Variants in CORO7 observed in about 807,000 individuals in gnomAD.
CORO7 encodes coronin 7.
In CORO7, 107 loss-of-function variants were observed where a neutral mutation model predicts 126.6. The observed-to-expected ratio is 0.85, with a 90% CI of 0.72 to 0.99. The LOEUF (loss-of-function observed/expected upper bound fraction) is 0.99. CORO7 is among the 50% of genes least tolerant of loss of function. The pLI, the probability that CORO7 is intolerant of heterozygous loss-of-function variation, is 0.00. For synonymous variants in CORO7, 603 were observed against 536.8 expected, an observed-to-expected ratio of 1.12 and a Z score of -1.70; for missense variants, 1,314 against 1,255.8, an observed-to-expected ratio of 1.05 and a Z score of -0.70.
intron 9 of CORO7, chr16:4,383,444 C>T (rs1423969286): frequency 6.0e-6 from 1 of 167,166 alleles, no homozygotes; most frequent in Non-Finnish European, 1.5e-5. Context: ...GTTTTTCAAA[C>T]TCAGAGACAA....
intron 9 of CORO7, among the ~76,000 whole-genome samples, chr16:4,366,755 C>T (rs2054361597): frequency 6.6e-6 from 1 of 151,994 alleles, no homozygotes; most frequent in Non-Finnish European, 1.5e-5. Context: ...GCTTCCGAGG[C>T]CGGTCTCAAA....
Position 4,361,259 on chromosome 16 carries a change from C to T in CORO7, c.1688-11G>A, listed in dbSNP as rs1360311225. 1.2e-5 allele frequency: 19 copies of T among 1,612,286 alleles called. No individual in the cohort carries two copies. The highest frequency in any genetic ancestry group is 4.0e-5 in the African/African-American group (3 of 74,930). ...TGGCGTCCTCACCAGCTGCAGAGGA[C>T]AGACAGGGGCTCATCATTGCTGAGC... On this transcript the variant is annotated splice_polypyrimidine_tract_variant and intron_variant, in intron 17 of 27. Coordinates refer to ENST00000251166, the MANE Select transcript of CORO7 (RefSeq NM_024535.5).
chr16:4,365,520 C>A lies in CORO7; in HGVS notation c.811G>T (p.Asp271Tyr). 6.3e-7 allele frequency: 1 copy of A among 1,580,152 alleles called. No homozygotes were observed. Among genetic ancestry groups the A allele is most frequent in the South Asian group, 1.2e-5 (1 of 85,990 alleles). Residue 271 changes from aspartate to tyrosine, a missense_variant, in exon 10 of 28, where the codon GAC (aspartate) becomes TAC (tyrosine). By Grantham distance (160) the Asp-to-Tyr change is radical (BLOSUM62 -3). Transcript: ENST00000251166. ...LGCLVPLLDPDSGLLVLAGKG... is the reference protein window; with the variant it reads ...LGCLVPLLDPYSGLLVLAGKG... ...CCTGCCAGGACCAGGAGCCCAGAGT[C>A]AGGGTCCAGCAGAGGCACGAGACAC...
Position 4,354,858 on chromosome 16 carries a change from G to T in CORO7, c.*300C>A. On this transcript the variant is annotated 3_prime_UTR_variant, in exon 28 of 28. Coordinates refer to ENST00000251166, the MANE Select transcript of CORO7 (RefSeq NM_024535.5). ...AGCCCAGGTCAGCAGTGAGACCAGG[G>T]GAGACAGGGTGCCCAGGGCCTGCCC... 1 of 408,716 alleles carries T rather than the reference G, an allele frequency of 2.4e-6. No homozygotes were observed. The highest frequency in any genetic ancestry group is 4.3e-6 in the Non-Finnish European group (1 of 230,438). 25.3% of individuals were successfully genotyped at this position (408,716 alleles called of 1,614,324 possible). A position where few individuals can be genotyped will look rare whatever the true frequency, so the allele number is the denominator to read the frequency against.
At chr16:4,410,747 C>T (rs145520182) in intron 3 of CORO7, among the ~76,000 whole-genome samples, 6 of 152,300 alleles carry the variant, frequency 3.9e-5, no homozygotes, top group East Asian at 1.9e-4. Context: ...ACGTCTCCTG[C>T]GAAGGGCAAG....
chr16:4,380,078 A>G (rs988508444), intron 9 of CORO7, among the ~76,000 whole-genome samples: 16 of 149,024 alleles, frequency 1.1e-4, no homozygotes, highest in Non-Finnish European at 2.2e-4. Context: ...AAAAAAAAGT[A>G]GATGAATGAC....
In CORO7 at chr16:4,364,342, C is replaced by A; in HGVS notation, c.1209G>T (p.Ala403=). 6.5e-7 allele frequency: 1 copy of A among 1,532,286 alleles called. No homozygotes were observed. Among genetic ancestry groups the A allele is most frequent in the Non-Finnish European group, 8.7e-7 (1 of 1,143,614 alleles). The allele number at this position is 1,532,286 out of a possible 1,614,324, so 94.9% of individuals were successfully genotyped here. The change falls in exon 14 of 28, where the codon GCG becomes GCT. Residue 403 remains alanine, a synonymous_variant. Coordinates refer to ENST00000251166, the MANE Select transcript of CORO7 (RefSeq NM_024535.5). ...PSFTSCLVPP[A]EPLPDTAQPA... ...GCTGGGCTGTGTCAGGGAGGGGCTC[C>A]GCAGGGGGCACCAGACAGGAAGTGA...
In CORO7 at chr16:4,362,473, G is replaced by T; in HGVS notation, c.1402+139C>A. On this transcript the variant is annotated intron_variant, in intron 15 of 27. Transcript: ENST00000251166. This position sits in a 1 kb window ranked among gnomAD's most constrained non-coding sequence, Gnocchi z 5.3. ...CCACACCCCAGCCCCCAGGACAAATGACCCTGCCAGTGAGTCTGGGTGAGG... is the reference window on the plus strand; with the variant it reads ...CCACACCCCAGCCCCCAGGACAAATTACCCTGCCAGTGAGTCTGGGTGAGG... 7.1e-7 allele frequency: 1 copy of T among 1,411,988 alleles called. No homozygotes were observed. Among genetic ancestry groups the T allele is most frequent in the South Asian group, 1.6e-5 (1 of 62,332 alleles). 87.5% of individuals were successfully genotyped at this position (1,411,988 alleles called of 1,614,324 possible). A position where few individuals can be genotyped will look rare whatever the true frequency, so the allele number is the denominator to read the frequency against.
In CORO7 at chr16:4,388,071, G is replaced by A. The variant is rs1284608550; in HGVS notation, c.703-3C>T. The A allele has an allele frequency of 6.2e-7, 1 of 1,611,002 alleles. No homozygotes were observed. Among genetic ancestry groups the A allele is most frequent in the East Asian group, 2.2e-5 (1 of 44,768 alleles). ...AGCTTCACTTCGCGCTCACGCATCTGCAGGGAGGGCGAGAGAGGGGCTCAG... is the reference window on the plus strand; with the variant it reads ...AGCTTCACTTCGCGCTCACGCATCTACAGGGAGGGCGAGAGAGGGGCTCAG... On this transcript the variant is annotated splice_region_variant and splice_polypyrimidine_tract_variant and intron_variant, in intron 8 of 27. Transcript: ENST00000251166.
chr16:4,407,501 C>T lies in CORO7; in HGVS notation c.487G>A (p.Glu163Lys). ...WDAAKQQPLTELAAHGDLVQS... is the reference protein window; with the variant it reads ...WDAAKQQPLTKLAAHGDLVQS... ...AAGGGCAGGCCAGGGTGGCCTGTAC[C>T]TGTCAGGGGCTGCTGCTTGGCTGCG... The change falls in exon 5 of 28, where the codon GAG becomes AAG. Residue 163 changes from glutamate to lysine, a missense_variant and splice_region_variant. By Grantham distance (56) the Glu-to-Lys change is moderately conservative. Coordinates refer to ENST00000251166, the MANE Select transcript of CORO7 (RefSeq NM_024535.5). The T allele has an allele frequency of 6.4e-7, 1 of 1,565,134 alleles. No individual in the cohort carries two copies. Among genetic ancestry groups the T allele is most frequent in the Non-Finnish European group, 8.7e-7 (1 of 1,154,916 alleles).
At chr16:4,364,454 G>T (rs1422624659) in intron 13 of CORO7, 41 bp from the exon 14 acceptor site, 1 of 1,481,066 alleles carries the variant, frequency 6.8e-7, no homozygotes, top group Non-Finnish European at 9.0e-7. Context: ...GGCATGGGCT[G>T]CCCGGTCAGG....
Position 4,412,662 on chromosome 16 carries a change from T to C in CORO7, c.158-232A>G, listed in dbSNP as rs1019743288. 401 of 541,942 alleles carry C rather than the reference T, an allele frequency of 7.4e-4. 4 individuals are homozygous for C. The highest frequency in any genetic ancestry group is 8.9e-4 in the South Asian group (35 of 39,468). The allele number at this position is 541,942 out of a possible 1,614,324, so 33.6% of individuals were successfully genotyped here. On this transcript the variant is annotated intron_variant, in intron 2 of 27. Transcript: ENST00000251166. ...ACAGAAGACATTAGGCGAGAGGTCCTCTCTTTTTAACACGGGTCATACGAA... is the reference window on the plus strand; with the variant it reads ...ACAGAAGACATTAGGCGAGAGGTCCCCTCTTTTTAACACGGGTCATACGAA...
intron 9 of CORO7, among the ~76,000 whole-genome samples, chr16:4,376,017 G>T (rs1312420343): frequency 6.6e-6 from 1 of 152,202 alleles, no homozygotes; most frequent in Non-Finnish European, 1.5e-5. Flanking sequence ...GCCAGCTTGG[G>T]GTGGTGGATG....
intron 9 of CORO7, chr16:4,381,827 A>G (rs1405270238): frequency 1.2e-6 from 2 of 1,600,980 alleles, no homozygotes; most frequent in Non-Finnish European, 1.7e-6. Context: ...CGCGAGAGCC[A>G]CGTCACACTG....
intron 5 of CORO7, among the ~76,000 whole-genome samples, chr16:4,406,291 T>G (rs1567301579): frequency 1.3e-5 from 2 of 150,860 alleles, no homozygotes; most frequent in Non-Finnish European, 3.0e-5. Flanking sequence ...TGAGCCACCG[T>G]GCCCGGCCTA....
chr16:4,407,310 G>A (rs1325056560), intron 5 of CORO7, among the ~76,000 whole-genome samples, 191 bp downstream of exon 5: 1 of 151,838 alleles, frequency 6.6e-6, no homozygotes, highest in Admixed American at 6.6e-5. Context: ...GGATGAAACT[G>A]ATGGCTACGG....
rs903195867 is a variant in CORO7, at chr16:4,354,597, T to A, written c.*561A>T. 2 of 155,190 alleles carry A rather than the reference T, an allele frequency of 1.3e-5. No individual in the cohort carries two copies. Among genetic ancestry groups the A allele is most frequent in the African/African-American group, 4.8e-5 (2 of 41,596 alleles). The allele number at this position is 155,190 out of a possible 1,614,324, so 9.6% of individuals were successfully genotyped here. A position where few individuals can be genotyped will look rare whatever the true frequency, so the allele number is the denominator to read the frequency against. On this transcript the variant is annotated 3_prime_UTR_variant, in exon 28 of 28. Transcript: ENST00000251166. Reference sequence around the variant, plus strand: ...AACATCCAAGGCAGGTGCGGGCCAGTCCCTGCGGGGCTCACACCCCCCTTA... The same window carrying A: ...AACATCCAAGGCAGGTGCGGGCCAGACCCTGCGGGGCTCACACCCCCCTTA...
In CORO7 at chr16:4,364,700, A is replaced by G. The variant is rs1281509595; in HGVS notation, c.1045-11T>C. 6.3e-7 allele frequency: 1 copy of G among 1,585,364 alleles called. No homozygotes were observed. The highest frequency in any genetic ancestry group is 8.6e-7 in the Non-Finnish European group (1 of 1,166,446). ...GTGGAACTCCACAGCCTGGCCGCAG[A>G]CAAGCAGGCAGCTAGTGAGGCCCAG... On this transcript the variant is annotated splice_polypyrimidine_tract_variant and intron_variant, in intron 12 of 27. Transcript: ENST00000251166.
rs1382847923 is a variant in CORO7 at position 4,379,667 on chromosome 16, T to G, written c.785+8319A>C. On this transcript the variant is annotated intron_variant, in intron 9 of 27. Coordinates refer to ENST00000251166, the MANE Select transcript of CORO7 (RefSeq NM_024535.5). ...TCGTCCTTCCCACTTCGCTGGCACA[T>G]GGGAAGGACTTGCACCATCACTGCC... is the stretch of plus-strand genomic sequence containing the variant. Among the ~76,000 whole-genome samples the G allele has an allele frequency of 2.6e-5, 4 of 151,928 alleles. No homozygotes were observed. The East Asian group carries it at 7.7e-4, about 29-fold the overall frequency.
Sources: gnomAD v4.1 joint callset for allele counts (sites outside exome capture counted in the v4.1 genomes callset) on GRCh38, gnomAD v4.1.1 for gene constraint, Gnocchi (gnomAD v3.1) non-coding constraint, MANE v1.5 for transcripts, NCBI Gene and HGNC (gene_info 2026-07-23, HGNC 2026-07-21) for gene names.